The following MICU1 variants were observed in gnomAD, a reference collection of about 807,000 sequenced individuals.
MICU1 encodes calcium uptake protein 1, mitochondrial.
Under a neutral mutation model 56.8 loss-of-function variants are expected in MICU1, and 45 were observed. That is an observed-to-expected ratio of 0.79 (90% CI 0.62 to 1.02). MICU1 has a LOEUF of 1.02. MICU1 is among the 50% of genes least tolerant of loss of function. The pLI is 0.00. For missense variants in MICU1, 504 were observed against 587.1 expected (o/e 0.86, Z 1.46); for synonymous variants, 186 against 195.1 (o/e 0.95, Z 0.39).
chr10:72,408,341 C>T lies in MICU1; in HGVS notation c.1072-304G>A, dbSNP rs113782658. Among the ~76,000 whole-genome samples, 1,141 of 152,212 alleles carry T rather than the reference C, an allele frequency of 7.5e-3. 16 individuals are homozygous for T. The highest frequency in any genetic ancestry group is 0.026 in the African/African-American group (1,080 of 41,526). ...TCTTTTTTTTTGAGATGGAGTTTCA[C>T]TCTGTCACCCAAGCTGGAGCGTAAT... On this transcript the variant is annotated intron_variant, in intron 9 of 11. Transcript: ENST00000361114.
At chr10:72,540,243 G>A (rs1839736934) in intron 4 of MICU1, among the ~76,000 whole-genome samples, 1 of 149,106 alleles carries the variant, frequency 6.7e-6, no homozygotes, top group Non-Finnish European at 1.5e-5. Context: ...CTCCAGCCTG[G>A]GCAACCAGAG....
intron 1 of MICU1, among the ~76,000 whole-genome samples, chr10:72,611,726 G>C (rs570975097): frequency 6.0e-4 from 92 of 152,198 alleles, no homozygotes; most frequent in African/African-American, 2.1e-3. Flanking sequence ...CAGACTAAAG[G>C]AGTAATATAC....
At chr10:72,455,344 C>A (rs1865425597) in intron 8 of MICU1, among the ~76,000 whole-genome samples, 1 of 82,376 alleles carries the variant, frequency 1.2e-5, no homozygotes. Flanking sequence ...GAGCAAGACT[C>A]TGTCTCAAAA....
chr10:72,410,246 C>T (rs1466295889), intron 9 of MICU1, among the ~76,000 whole-genome samples: 2 of 152,082 alleles, frequency 1.3e-5, no homozygotes, highest in East Asian at 3.9e-4. Context: ...ATTTGTTTAT[C>T]CATTCTATTT....
chr10:72,434,186 T>C (rs1012523694), intron 8 of MICU1, among the ~76,000 whole-genome samples: 1 of 152,186 alleles, frequency 6.6e-6, no homozygotes, highest in Non-Finnish European at 1.5e-5. Context: ...AAAAATTCTC[T>C]AGATGGTTAA....
At chr10:72,600,291 T>TA (rs1841490977) in intron 1 of MICU1, among the ~76,000 whole-genome samples, 2 of 48,066 alleles carry the variant, frequency 4.2e-5, no homozygotes, top group Admixed American at 2.0e-4. Context: ...AAACTCCATC[T>TA]CAAAAAAAAA....
chr10:72,413,858 G>A (rs1863901024), intron 9 of MICU1, among the ~76,000 whole-genome samples: 2 of 152,162 alleles, frequency 1.3e-5, no homozygotes, highest in Admixed American at 6.6e-5. Context: ...AACAAGACAA[G>A]TGAATGGCTA....
At chr10:72,612,459 T>G (rs955188962) in intron 1 of MICU1, among the ~76,000 whole-genome samples, 1 of 152,152 alleles carries the variant, frequency 6.6e-6, no homozygotes, top group Non-Finnish European at 1.5e-5. Flanking sequence ...AAAAGAGTAA[T>G]GGGAGTCATG....
intron 8 of MICU1, among the ~76,000 whole-genome samples, chr10:72,424,807 C>G (rs1864295195): frequency 6.6e-6 from 1 of 152,182 alleles, no homozygotes; most frequent in African/African-American, 2.4e-5. Flanking sequence ...GCTTCCTGTA[C>G]AATAGCACTG....
At chr10:72,403,980 T>C (rs754690944) in intron 10 of MICU1, among the ~76,000 whole-genome samples, 1 of 133,056 alleles carries the variant, frequency 7.5e-6, no homozygotes, top group Non-Finnish European at 1.7e-5. Context: ...ATTTTTTGGT[T>C]ATGTGTTTTT....
At chr10:72,529,708 G>A (rs139379935) in intron 5 of MICU1, among the ~76,000 whole-genome samples, 95 of 151,980 alleles carry the variant, frequency 6.3e-4, no homozygotes, top group African/African-American at 2.2e-3. Context: ...AATAAATCAT[G>A]CAAATAAAAG....
intron 8 of MICU1, among the ~76,000 whole-genome samples, chr10:72,435,523 A>C (rs540897936): frequency 6.6e-6 from 1 of 152,034 alleles, no homozygotes; most frequent in Admixed American, 6.6e-5. Context: ...TATCTGGTTC[A>C]TCTCACTGGG....
At chr10:72,607,442 C>A (rs1841721678) in intron 1 of MICU1, among the ~76,000 whole-genome samples, 1 of 151,514 alleles carries the variant, frequency 6.6e-6, no homozygotes, top group Admixed American at 6.6e-5. Flanking sequence ...AGATCGAGAC[C>A]TTCCTGGCCA....
At chr10:72,379,654 G>T (rs574033084) in intron 10 of MICU1, 1 of 365,642 alleles carries the variant, frequency 2.7e-6, no homozygotes, top group Non-Finnish European at 5.5e-6. Context: ...TCTAATGAGA[G>T]GCTCATTAAA....
chr10:72,413,828 T>C (rs1272343609), intron 9 of MICU1, among the ~76,000 whole-genome samples: 2 of 152,120 alleles, frequency 1.3e-5, no homozygotes, highest in African/African-American at 4.8e-5. Flanking sequence ...TAAAAAAAGA[T>C]TTGAATAGAC....
chr10:72,385,252 G>A (rs1284811826), intron 10 of MICU1, among the ~76,000 whole-genome samples: 1 of 152,104 alleles, frequency 6.6e-6, no homozygotes, highest in Non-Finnish European at 1.5e-5. Flanking sequence ...CACTTTGGGA[G>A]GCCGAGCTGG....
chr10:72,419,296 C>T (rs1165819531), intron 9 of MICU1, among the ~76,000 whole-genome samples: 1 of 152,182 alleles, frequency 6.6e-6, no homozygotes, highest in Non-Finnish European at 1.5e-5. Context: ...TTTGAAATTA[C>T]GATTTCCAAC....
chr10:72,508,498 A>G, intron 5 of MICU1: 1 of 315,066 alleles, frequency 3.2e-6, no homozygotes, highest in Non-Finnish European at 5.8e-6. Context: ...AACATTAGAA[A>G]ATAATTTCAA....
rs778894142 is a variant in MICU1 at position 72,551,243 on chromosome 10, T to C, written c.429A>G (p.Ala143=). 3 of 1,613,276 alleles carry C rather than the reference T, an allele frequency of 1.9e-6. No homozygotes were observed. The highest frequency in any genetic ancestry group is 2.5e-6 in the Non-Finnish European group (3 of 1,179,518). The change falls in exon 4 of 12, where the codon GCA becomes GCG. Residue 143 remains alanine (A), a synonymous_variant. Transcript: ENST00000361114. ...TLKVISEPGE[A]EVFMTPEDFV... Reference sequence around the variant, plus strand: ...AATCTTCTGGTGTCATAAACACTTCTGCTTCACCAGGCTCACTGATGACTT... The same window carrying C: ...AATCTTCTGGTGTCATAAACACTTCCGCTTCACCAGGCTCACTGATGACTT...
Sources: gnomAD v4.1 joint callset for allele counts (sites outside exome capture counted in the v4.1 genomes callset) on GRCh38, gnomAD v4.1.1 for gene constraint, MANE v1.5 for transcripts, NCBI Gene and HGNC (gene_info 2026-07-23, HGNC 2026-07-21) for gene names.